The following FAM163A variants were observed in gnomAD, a reference collection of about 807,000 sequenced individuals.
FAM163A encodes the protein protein FAM163A.
Under a neutral mutation model 12.0 loss-of-function variants are expected in FAM163A, and 7 were observed. That is an observed-to-expected ratio of 0.58 (90% CI 0.33 to 1.10). The LOEUF (loss-of-function observed/expected upper bound fraction) is 1.10, where lower values mean the gene tolerates loss of function less well. Among genes scored for constraint, FAM163A ranks in the 50% least tolerant of loss-of-function variants. The probability of loss-of-function intolerance (pLI) is 0.03; values close to 1 mark genes in which losing one functional copy is unlikely to be tolerated. For synonymous variants in FAM163A, 101 were observed against 91.0 expected, an observed-to-expected ratio of 1.11 and a Z score of -0.62; for missense variants, 202 against 218.6, an observed-to-expected ratio of 0.92 and a Z score of 0.48.
intron 1 of FAM163A, among the ~76,000 whole-genome samples, chr1:179,753,935 T>G (rs76628040): frequency 0.019 from 2,880 of 152,314 alleles, 77 homozygotes; most frequent in African/African-American, 0.063. Context: ...AGATGGTACA[T>G]AGAAAGTGAT....
intron 1 of FAM163A, among the ~76,000 whole-genome samples, chr1:179,798,630 C>A (rs1319175774): frequency 4.6e-5 from 7 of 152,224 alleles, no homozygotes; most frequent in African/African-American, 2.4e-5. Flanking sequence ...TCTCCTACCC[C>A]AGAAGCTGCC....
chr1:179,734,261 C>A, the FAM163A span, among the ~76,000 whole-genome samples: 2 of 152,162 alleles, frequency 1.3e-5, no homozygotes, highest in African/African-American at 4.8e-5. Flanking sequence ...TATAGGAGAA[C>A]ACCACTGAGC....
Position 179,814,255 on chromosome 1 carries a change from A to G in FAM163A, c.*66A>G. ...CCTGGCGGGGGCCATGGGGGTGATG[A>G]ATGACCCTCCAACAGCCCCACATGG... On this transcript the variant is annotated 3_prime_UTR_variant, in exon 5 of 5. Coordinates refer to ENST00000341785, the MANE Select transcript of FAM163A (RefSeq NM_173509.3). 6.6e-7 allele frequency: 1 copy of G among 1,517,856 alleles called. No homozygotes were observed. The highest frequency in any genetic ancestry group is 8.8e-7 in the Non-Finnish European group (1 of 1,131,514). The allele number at this position is 1,517,856 out of a possible 1,614,324, so 94.0% of individuals were successfully genotyped here.
intron 1 of FAM163A, among the ~76,000 whole-genome samples, chr1:179,785,978 G>T (rs1690560943): frequency 6.6e-6 from 1 of 152,174 alleles, no homozygotes; most frequent in South Asian, 2.1e-4. Context: ...TTGGGGAAAT[G>T]CTTGAAGTGG....
chr1:179,738,522 C>T (rs1485947294), upstream of FAM163A, among the ~76,000 whole-genome samples: 1 of 152,010 alleles, frequency 6.6e-6, no homozygotes, highest in Admixed American at 6.5e-5. Context: ...TACACTTTGA[C>T]CAAGTAGGCT....
intron 1 of FAM163A, among the ~76,000 whole-genome samples, chr1:179,763,763 G>A (rs182145321): frequency 3.3e-4 from 50 of 152,266 alleles, no homozygotes; most frequent in African/African-American, 1.0e-3. Flanking sequence ...AGAAACTGAA[G>A]GCCAGACCTC....
At chr1:179,804,180 A>G (rs1163317401) in intron 1 of FAM163A, among the ~76,000 whole-genome samples, 1 of 152,162 alleles carries the variant, frequency 6.6e-6, no homozygotes, top group East Asian at 1.9e-4. Flanking sequence ...TGCTAAGAAT[A>G]TAGATTCCTG....
chr1:179,747,486 C>T (rs1684658310), intron 1 of FAM163A, among the ~76,000 whole-genome samples: 1 of 152,212 alleles, frequency 6.6e-6, no homozygotes, highest in Non-Finnish European at 1.5e-5. Flanking sequence ...TTGCTTCCAG[C>T]CACAAAAGAT....
chr1:179,775,925 T>G (rs928413775), intron 1 of FAM163A, among the ~76,000 whole-genome samples: 1 of 152,112 alleles, frequency 6.6e-6, no homozygotes, highest in African/African-American at 2.4e-5. Context: ...CCAGGGTCCT[T>G]GGCGGAAAAG....
chr1:179,797,733 A>C (rs1400936672), intron 1 of FAM163A, among the ~76,000 whole-genome samples: 1 of 152,146 alleles, frequency 6.6e-6, no homozygotes, highest in Non-Finnish European at 1.5e-5. Flanking sequence ...AAAAAAATCT[A>C]AGCAGAGGTT....
the FAM163A span, among the ~76,000 whole-genome samples, chr1:179,729,505 A>C: frequency 6.6e-6 from 1 of 152,220 alleles, no homozygotes; most frequent in South Asian, 2.1e-4. Flanking sequence ...TACAATGCTA[A>C]GGATGTCAGA....
chr1:179,798,269 C>G (rs930401400), intron 1 of FAM163A, among the ~76,000 whole-genome samples: 2 of 152,158 alleles, frequency 1.3e-5, no homozygotes, highest in Non-Finnish European at 2.9e-5. Flanking sequence ...ATGTTCCATT[C>G]CAGCTCTCTA....
rs1431019190 is a variant in FAM163A at position 179,797,693 on chromosome 1, C to CTA, written c.-135-10094_-135-10093dup. Among the ~76,000 whole-genome samples the CTA allele has an allele frequency of 4.0e-5, 6 of 151,842 alleles. 1 individual carries two copies. The highest frequency in any genetic ancestry group is 2.6e-4 in the Admixed American group (4 of 15,238). On this transcript the variant is annotated intron_variant, in intron 1 of 4. Coordinates refer to ENST00000341785, the MANE Select transcript of FAM163A (RefSeq NM_173509.3). ...ATGTCATGTTTTACATCATCTTTAT[C>CTA]TATATATATATAATTTTTATCTGTG...
intron 1 of FAM163A, among the ~76,000 whole-genome samples, chr1:179,750,812 A>C (rs1277809084): frequency 6.6e-6 from 1 of 152,240 alleles, no homozygotes. Context: ...ACCTGTTAGC[A>C]GACTCCTGAT....
chr1:179,810,670 A>T (rs1455353737), intron 2 of FAM163A, among the ~76,000 whole-genome samples: 1 of 152,214 alleles, frequency 6.6e-6, no homozygotes, highest in Non-Finnish European at 1.5e-5. Flanking sequence ...TCTAGTCTGC[A>T]ATTCTGTGGC....
At chr1:179,752,508 A>G (rs1234659849) in intron 1 of FAM163A, among the ~76,000 whole-genome samples, 1 of 151,796 alleles carries the variant, frequency 6.6e-6, no homozygotes, top group African/African-American at 2.4e-5. Context: ...ATAGAGTGAA[A>G]AGGCAGCCTA....
At chr1:179,812,441 C>A (rs1209666253) in intron 3 of FAM163A, among the ~76,000 whole-genome samples, 1 of 152,130 alleles carries the variant, frequency 6.6e-6, no homozygotes, top group Non-Finnish European at 1.5e-5. Flanking sequence ...AAGAGAGATA[C>A]CCCCAAAAGA....
the FAM163A span, among the ~76,000 whole-genome samples, chr1:179,733,950 G>A: frequency 5.9e-5 from 9 of 152,254 alleles, no homozygotes; most frequent in South Asian, 2.1e-4. Flanking sequence ...CATGGAGAAC[G>A]ATTTTTTGAA....
chr1:179,799,758 G>A (rs967511721), intron 1 of FAM163A, among the ~76,000 whole-genome samples: 5 of 152,214 alleles, frequency 3.3e-5, no homozygotes, highest in Non-Finnish European at 7.4e-5. Context: ...CCTCTCTGAA[G>A]CAGAGCAGAC....
Sources: allele counts gnomAD v4.1 joint callset (sites outside exome capture counted in the v4.1 genomes callset), GRCh38; gene constraint gnomAD v4.1.1; transcripts MANE v1.5; gene names NCBI Gene and HGNC (gene_info 2026-07-23, HGNC 2026-07-21).